The following HACL1 variants were observed in gnomAD, a reference collection of about 807,000 sequenced individuals.
HACL1 encodes the protein 2-hydroxyacyl-CoA lyase 1, also known as 1600020H07Rik.
HACL1 carries 64 observed loss-of-function variants against 74.2 expected under a neutral mutation model. The ratio of observed to expected loss-of-function variants is 0.86; its 90% CI spans 0.70 to 1.06. The LOEUF (loss-of-function observed/expected upper bound fraction) is 1.06, where lower values mean the gene tolerates loss of function less well. HACL1 is among the 50% of genes least tolerant of loss of function. The probability of loss-of-function intolerance (pLI) is 0.00; values close to 1 mark genes in which losing one functional copy is unlikely to be tolerated. For missense variants in HACL1, 728 were observed against 719.7 expected (o/e 1.01, Z -0.13); for synonymous variants, 230 against 238.8 (o/e 0.96, Z 0.34).
chr3:15,593,187 A>G (rs536414271), intron 3 of HACL1, among the ~76,000 whole-genome samples: 1 of 149,582 alleles, frequency 6.7e-6, no homozygotes, highest in Non-Finnish European at 1.5e-5. Flanking sequence ...ATATATACAC[A>G]CATATATATG....
chr3:15,595,877 C>T (rs188654150), intron 3 of HACL1: 2 of 152,448 alleles, frequency 1.3e-5, no homozygotes, highest in South Asian at 4.1e-4. Context: ...TCCCAAAGTG[C>T]TGGGATTACA....
At position 15,575,576 on chromosome 3, in the gene HACL1, T is replaced by C. The variant is rs190117866; in HGVS notation, c.804-494A>G. On this transcript the variant is annotated intron_variant, in intron 9 of 16. Transcript: ENST00000321169. ...TTTGTTTTGAGACAGGGTCTCTCTCTCTTTTGCCCGGGCTGGAATGCAGTG... is the reference window on the plus strand; with the variant it reads ...TTTGTTTTGAGACAGGGTCTCTCTCCCTTTTGCCCGGGCTGGAATGCAGTG... Among the ~76,000 whole-genome samples, 35 of 152,282 alleles carry C rather than the reference T, an allele frequency of 2.3e-4. No individual in the cohort carries two copies. The East Asian group carries it at 6.4e-3, about 28-fold the overall frequency.
chr3:15,598,017 T>C (rs889641385), intron 2 of HACL1, among the ~76,000 whole-genome samples: 6 of 151,060 alleles, frequency 4.0e-5, no homozygotes, highest in African/African-American at 1.5e-4. Flanking sequence ...TTTTGTTTTG[T>C]TTTGTTTTTT....
chr3:15,598,882 G>C (rs1284545449), intron 2 of HACL1, among the ~76,000 whole-genome samples: 1 of 152,154 alleles, frequency 6.6e-6, no homozygotes, highest in Non-Finnish European at 1.5e-5. Context: ...CATCTCAAAT[G>C]CATGTGTTCA....
At chr3:15,575,791 T>C (rs1436133605) in intron 9 of HACL1, among the ~76,000 whole-genome samples, 2 of 152,066 alleles carry the variant, frequency 1.3e-5, no homozygotes, top group African/African-American at 2.4e-5. Context: ...TTCGCCCACC[T>C]TGGCCTCCCA....
In HACL1 at chr3:15,593,362, T is replaced by C. The variant is rs909517897; in HGVS notation, c.228-1682A>G. On this transcript the variant is annotated intron_variant, in intron 3 of 16. Transcript: ENST00000321169. ...CCAAGTAACCGGGACTACAGGCAGA[T>C]GCCACCACACCCGGCTAATTTTTTG... 1.1e-4 allele frequency among the ~76,000 whole-genome samples: 16 copies of C among 151,978 alleles called. 4 individuals carry two copies. Among genetic ancestry groups the C allele is most frequent in the East Asian group, 1.9e-4 (1 of 5,134 alleles).
intron 8 of HACL1, among the ~76,000 whole-genome samples, chr3:15,582,057 A>AT (rs2063723431): frequency 6.6e-6 from 1 of 152,124 alleles, no homozygotes; most frequent in Non-Finnish European, 1.5e-5. Context: ...TCTGACCTCA[A>AT]TTTTTTTGTC....
intron 5 of HACL1, among the ~76,000 whole-genome samples, chr3:15,587,761 A>G (rs994510686): frequency 3.3e-5 from 5 of 152,222 alleles, no homozygotes; most frequent in Admixed American, 1.3e-4. Flanking sequence ...CCCTTCTAAG[A>G]GTATAAAAAT....
intron 9 of HACL1, among the ~76,000 whole-genome samples, chr3:15,578,097 C>CAAAAAAAAAA: frequency 1.7e-5 from 1 of 60,308 alleles, no homozygotes; most frequent in Non-Finnish European, 3.8e-5. Flanking sequence ...GACTCCGTCT[C>CAAAAAAAAAA]AAAAAAAAAA....
rs2063464233 is a variant in HACL1, at chr3:15,567,922, C to T, written c.1331G>A (p.Ser444Asn). 2 of 1,613,938 alleles carry T rather than the reference C, an allele frequency of 1.2e-6. No homozygotes were observed. The highest frequency in any genetic ancestry group is 1.3e-5 in the African/African-American group (1 of 74,934). The change falls in exon 14 of 17, where the codon AGC becomes AAC. Residue 444 changes from serine (S) to asparagine (N), a missense_variant. Physicochemically the swap from Ser to Asn is conservative, Grantham distance 46 (BLOSUM62 1). Transcript: ENST00000321169. ...IAAAVVAKDR[S>N]PGQWIICVEG... ...CACACAGATGATCCATTGCCCAGGG[C>T]TTCTATCTTTAGCCACCACGGCAGC...
At position 15,586,568 on chromosome 3, in the gene HACL1, G is replaced by A; in HGVS notation, c.416C>T (p.Ala139Val). 1 of 1,600,220 alleles carries A rather than the reference G, an allele frequency of 6.2e-7. No individual in the cohort carries two copies. Among genetic ancestry groups the A allele is most frequent in the Non-Finnish European group, 8.6e-7 (1 of 1,168,760 alleles). ...AATAGCTTCTATGCTGCTTGGGCGG[G>A]CAGAGAACTTGGTATATAATCTACA... ...EACRLYTKFS[A>V]RPSSIEAIPF... The change falls in exon 6 of 17, where the codon GCC becomes GTC. Residue 139 changes from alanine to valine, a missense_variant. Transcript: ENST00000321169.
At chr3:15,587,594 T>C (rs2063817476) in intron 5 of HACL1, among the ~76,000 whole-genome samples, 2 of 152,336 alleles carry the variant, frequency 1.3e-5, no homozygotes, top group South Asian at 2.1e-4. Context: ...AAATATGTAG[T>C]GGACATTTAT....
chr3:15,588,814 GCTTT>G (rs2063840727), intron 5 of HACL1, among the ~76,000 whole-genome samples: 1 of 148,334 alleles, frequency 6.7e-6, no homozygotes, highest in Non-Finnish European at 1.5e-5. Flanking sequence ...ATTTTGACAT[GCTTT>G]CTTTCCTCCT....
At chr3:15,578,907 G>A (rs2063672935) in intron 9 of HACL1, among the ~76,000 whole-genome samples, 1 of 152,212 alleles carries the variant, frequency 6.6e-6, no homozygotes, top group Admixed American at 6.5e-5. Context: ...GAGAGTGGGG[G>A]TGTGGAGCCT....
Position 15,568,449 on chromosome 3 carries a change from G to A in HACL1, c.1233C>T (p.Asn411=). The change falls in exon 13 of 17, where the codon AAC becomes AAT. Residue 411 remains asparagine (N), a synonymous_variant. Transcript: ENST00000321169. ...AGTCTTACCTGTGACGAGGAAGGTA[G>A]TTCTGAAGCACAGTCCGTCCAATGT... ...TMDIGRTVLQ[N]YLPRHRLDAG... is the part of the protein sequence containing the mutation. 1 of 1,594,712 alleles carries A rather than the reference G, an allele frequency of 6.3e-7. No individual in the cohort carries two copies.
intron 10 of HACL1, 92 bp downstream of exon 10, chr3:15,574,885 A>G (rs1329006479): frequency 1.8e-6 from 1 of 556,982 alleles, no homozygotes; most frequent in Non-Finnish European, 3.3e-6. Flanking sequence ...TTTTTTTAAT[A>G]GTAATCAAGA....
At chr3:15,594,627 GA>G (rs1160330231) in intron 3 of HACL1, among the ~76,000 whole-genome samples, 3 of 152,202 alleles carry the variant, frequency 2.0e-5, no homozygotes, top group African/African-American at 7.2e-5. Flanking sequence ...TATAGTAATA[GA>G]AATGTTCTGC....
At chr3:15,570,898 GA>G (rs2063517011) in intron 12 of HACL1, among the ~76,000 whole-genome samples, 1 of 150,942 alleles carries the variant, frequency 6.6e-6, no homozygotes, top group Non-Finnish European at 1.5e-5. Flanking sequence ...AGCACGCCCT[GA>G]AGGACCTATA....
chr3:15,590,350 T>C (rs561685919), intron 4 of HACL1, among the ~76,000 whole-genome samples: 5 of 149,188 alleles, frequency 3.4e-5, no homozygotes, highest in African/African-American at 1.2e-4. Context: ...AAAAAAGATA[T>C]GGGAAACCTT....
Sources: gnomAD v4.1 joint callset for allele counts (sites outside exome capture counted in the v4.1 genomes callset) on GRCh38, gnomAD v4.1.1 for gene constraint, MANE v1.5 for transcripts, NCBI Gene and HGNC (gene_info 2026-07-23, HGNC 2026-07-21) for gene names.